The following FGF14 variants were observed in gnomAD, a reference collection of about 807,000 sequenced individuals.
The protein encoded by FGF14 is fibroblast growth factor 14.
FGF14 carries 5 observed loss-of-function variants against 25.5 expected under a neutral mutation model. That is an observed-to-expected ratio of 0.20 (90% confidence interval 0.10 to 0.41). The LOEUF is 0.41. Among genes scored for constraint, FGF14 ranks in the 10% least tolerant of loss-of-function variants. The pLI, the probability that FGF14 is intolerant of heterozygous loss-of-function variation, is 1.00. For synonymous variants in FGF14, 138 were observed against 118.3 expected (o/e 1.17, Z -1.08); for missense variants, 222 against 320.1 (o/e 0.69, Z 2.34).
rs1453552405 is a variant in FGF14, at chr13:102,314,974, T to C, written c.208+86497A>G. ...TTAATATATTATATAACATATACATTATTATAAATAACATATTAATGTATA... is the reference window on the plus strand; with the variant it reads ...TTAATATATTATATAACATATACATCATTATAAATAACATATTAATGTATA... On this transcript the variant is annotated intron_variant, in intron 1 of 4. Transcript: ENST00000376131. Among the ~76,000 whole-genome samples the C allele has an allele frequency of 2.0e-5, 3 of 149,152 alleles. 1 individual carries two copies. Among genetic ancestry groups the C allele is most frequent in the South Asian group, 4.2e-4 (2 of 4,810 alleles).
chr13:101,957,194 T>C (rs2139432257), intron 1 of FGF14, among the ~76,000 whole-genome samples: 1 of 152,274 alleles, frequency 6.6e-6, no homozygotes. Flanking sequence ...AATACAGATA[T>C]ATGAATCAAC....
chr13:102,108,619 G>A (rs1486599811), intron 1 of FGF14, among the ~76,000 whole-genome samples: 1 of 152,124 alleles, frequency 6.6e-6, no homozygotes, highest in African/African-American at 2.4e-5. Flanking sequence ...ATATACAGGT[G>A]GATATGCATA....
At chr13:102,095,884 T>C (rs2044370820) in intron 1 of FGF14, among the ~76,000 whole-genome samples, 1 of 151,766 alleles carries the variant, frequency 6.6e-6, no homozygotes, top group Non-Finnish European at 1.5e-5. Context: ...TTTTGGAGAG[T>C]CAAAAGTTAT....
At chr13:102,171,897 T>A (rs1397301036) in intron 1 of FGF14, among the ~76,000 whole-genome samples, 1 of 118,484 alleles carries the variant, frequency 8.4e-6, no homozygotes. Flanking sequence ...TCTAGGTTTT[T>A]TTTTTTTTGC....
At chr13:101,930,571 C>G (rs568579158) in intron 1 of FGF14, among the ~76,000 whole-genome samples, 1 of 152,290 alleles carries the variant, frequency 6.6e-6, no homozygotes, top group East Asian at 1.9e-4. Context: ...CAGTCAGTTG[C>G]AAAGTTTTTT....
At chr13:102,178,756 T>C (rs79594458) in intron 1 of FGF14, among the ~76,000 whole-genome samples, 5,555 of 152,186 alleles carry the variant, frequency 0.037, 302 homozygotes, top group African/African-American at 0.12. Context: ...ATCTATCGTA[T>C]GTGTGTGTGT....
chr13:102,369,284 G>T (rs1482915164), intron 1 of FGF14, among the ~76,000 whole-genome samples: 1 of 152,136 alleles, frequency 6.6e-6, no homozygotes, highest in East Asian at 1.9e-4. Context: ...AGAAAAAGTG[G>T]AACAGCATGC....
intron 1 of FGF14, among the ~76,000 whole-genome samples, chr13:101,929,572 A>G (rs2034609977): frequency 6.6e-6 from 1 of 152,212 alleles, no homozygotes; most frequent in African/African-American, 2.4e-5. Flanking sequence ...ATAGGTTTGC[A>G]GTAGACCCAC....
At chr13:101,972,580 A>G (rs1314094230) in intron 1 of FGF14, among the ~76,000 whole-genome samples, 1 of 152,176 alleles carries the variant, frequency 6.6e-6, no homozygotes, top group African/African-American at 2.4e-5. Context: ...CTCTTTCCTC[A>G]CTTTCAGAAA....
At chr13:102,198,368 C>G (rs1282704743) in intron 1 of FGF14, among the ~76,000 whole-genome samples, 1 of 152,178 alleles carries the variant, frequency 6.6e-6, no homozygotes, top group South Asian at 2.1e-4. Flanking sequence ...ACACCAGTGC[C>G]AAATATAACA....
rs545584847 is a variant in FGF14, at chr13:102,079,650, C to A, written c.209-204354G>T. ...CATGATACTGGGGCACAGCAGTGAA[C>A]AAAACACAGAGAGTCTGTGTCCATG... On this transcript the variant is annotated intron_variant, in intron 1 of 4. Transcript: ENST00000376131. 5.9e-5 allele frequency among the ~76,000 whole-genome samples: 9 copies of A among 152,078 alleles called. No homozygotes were observed. In the East Asian group the frequency reaches 1.6e-3, roughly 26 times the overall value.
chr13:101,987,121 C>T (rs1442250883), intron 1 of FGF14, among the ~76,000 whole-genome samples: 2 of 152,082 alleles, frequency 1.3e-5, no homozygotes, highest in African/African-American at 4.8e-5. Context: ...TCCACTCTTT[C>T]CACCTCTAAT....
chr13:102,300,576 A>C (rs1315859685), intron 1 of FGF14, among the ~76,000 whole-genome samples: 3 of 152,018 alleles, frequency 2.0e-5, no homozygotes, highest in African/African-American at 7.2e-5. Flanking sequence ...CTCATCTCTA[A>C]TCAGTTACCA....
intron 3 of FGF14, among the ~76,000 whole-genome samples, chr13:101,846,509 G>T (rs1486458610): frequency 6.6e-6 from 1 of 151,966 alleles, no homozygotes; most frequent in African/African-American, 2.4e-5. Context: ...ACTCTTAAAT[G>T]TTCCCCTCTT....
At chr13:102,006,808 A>G (rs1334558816) in intron 1 of FGF14, among the ~76,000 whole-genome samples, 3 of 130,052 alleles carry the variant, frequency 2.3e-5, no homozygotes, top group Non-Finnish European at 4.6e-5. Context: ...GCAGTGGCGC[A>G]ATCTCGGCTC....
At chr13:101,824,346 C>T (rs1014272023) in intron 3 of FGF14, among the ~76,000 whole-genome samples, 1 of 152,126 alleles carries the variant, frequency 6.6e-6, no homozygotes, top group African/African-American at 2.4e-5. Flanking sequence ...CGCGTGCACG[C>T]TTACCATTCT....
intron 3 of FGF14, among the ~76,000 whole-genome samples, chr13:101,783,844 T>C (rs2039656015): frequency 6.6e-6 from 1 of 152,180 alleles, no homozygotes; most frequent in South Asian, 2.1e-4. Context: ...CATCTTGAGT[T>C]AATTTTTGTA....
chr13:101,912,648 A>G (rs2033063897), intron 1 of FGF14, among the ~76,000 whole-genome samples: 1 of 152,184 alleles, frequency 6.6e-6, no homozygotes, highest in African/African-American at 2.4e-5. Flanking sequence ...AAGCTTTAAA[A>G]TGAGGTTGTT....
intron 3 of FGF14, among the ~76,000 whole-genome samples, chr13:101,867,916 ACACACACACACACACACACG>A (rs1487474493): frequency 6.7e-6 from 1 of 149,968 alleles, no homozygotes; most frequent in African/African-American, 2.5e-5. Flanking sequence ...ACACACACAC[ACACACACACACACACACACG>A]CGCACACACA....
Sources: allele counts gnomAD v4.1 joint callset (sites outside exome capture counted in the v4.1 genomes callset), GRCh38; gene constraint gnomAD v4.1.1; transcripts MANE v1.5; gene names NCBI Gene and HGNC (gene_info 2026-07-23, HGNC 2026-07-21).